The following TTC7B variants were observed in gnomAD, a reference collection of about 807,000 sequenced individuals.
TTC7B encodes the protein tetratricopeptide repeat protein 7B.
A neutral mutation model predicts 106.8 loss-of-function variants in TTC7B; 28 were observed. That is an observed-to-expected ratio of 0.26 (90% confidence interval 0.19 to 0.36). The LOEUF is 0.36. Ranked by LOEUF, TTC7B falls within the 10% of genes least tolerant of loss-of-function variation. The probability of loss-of-function intolerance (pLI) is 1.00; values close to 1 mark genes in which losing one functional copy is unlikely to be tolerated. For synonymous variants in TTC7B, 405 were observed against 430.6 expected, an observed-to-expected ratio of 0.94 and a Z score of 0.74; for missense variants, 862 against 1,076.4, an observed-to-expected ratio of 0.80 and a Z score of 2.79.
Position 90,687,257 on chromosome 14 carries a change from T to C in TTC7B, c.950+2283A>G, listed in dbSNP as rs943264356. ...GCTGATCACGTGTATCCATGTGAAC[T>C]GAAACTTGTGACTCAGTAGACAGTG... is the stretch of plus-strand genomic sequence containing the variant. On this transcript the variant is annotated intron_variant, in intron 7 of 19. Coordinates refer to ENST00000328459, the MANE Select transcript of TTC7B (RefSeq NM_001010854.2). Among the ~76,000 whole-genome samples, 5 of 152,248 alleles carry C rather than the reference T, an allele frequency of 3.3e-5. No individual in the cohort carries two copies. The East Asian group carries it at 9.6e-4, about 29-fold the overall frequency.
At position 90,571,464 on chromosome 14, in the gene TTC7B, C is replaced by T. The variant is rs764979594; in HGVS notation, c.2310+6642G>A. On this transcript the variant is annotated intron_variant, in intron 19 of 19. Transcript: ENST00000328459. ...AGGGTCCTCTCAACAAGCACATGGA[C>T]GCATTGGAAGGCTGGGCACTAAATA... Among the ~76,000 whole-genome samples the T allele has an allele frequency of 4.6e-5, 7 of 152,096 alleles. 1 individual carries two copies. The highest frequency in any genetic ancestry group is 1.9e-4 in the East Asian group (1 of 5,192).
intron 15 of TTC7B, among the ~76,000 whole-genome samples, chr14:90,628,164 G>C (rs1327002577): frequency 6.6e-6 from 1 of 152,248 alleles, no homozygotes; most frequent in Non-Finnish European, 1.5e-5. Context: ...CTCTGGAACA[G>C]GAAGTGTCAA....
intron 8 of TTC7B, among the ~76,000 whole-genome samples, chr14:90,679,202 A>G (rs1425866297): frequency 1.3e-5 from 2 of 152,204 alleles, no homozygotes; most frequent in African/African-American, 4.8e-5. Context: ...GCCCAATGAC[A>G]CCAAAGAGCC....
intron 2 of TTC7B, 80 bp downstream of exon 2, chr14:90,786,094 A>G: frequency 7.0e-7 from 1 of 1,437,022 alleles, no homozygotes; most frequent in Non-Finnish European, 9.2e-7. Flanking sequence ...TCCAAACGTC[A>G]CCCGGCTCAA....
rs1889409088 is a variant in TTC7B at position 90,535,931 on chromosome 14, C to CA, written c.*5436_*5437insT. The CA allele has an allele frequency of 6.6e-6, 1 of 152,424 alleles. No homozygotes were observed. The highest frequency in any genetic ancestry group is 2.1e-4 in the South Asian group (1 of 4,832). The allele number at this position is 152,424 out of a possible 1,614,324, so 9.4% of individuals were successfully genotyped here. On this transcript the variant is annotated 3_prime_UTR_variant, in exon 20 of 20. Coordinates refer to ENST00000328459, the MANE Select transcript of TTC7B (RefSeq NM_001010854.2). ...ACTTTAGAGTTTCTTCTGGTGAGGA[C>CA]GCCAATCCTACTGGGCCAGGGCCCC...
intron 15 of TTC7B, among the ~76,000 whole-genome samples, chr14:90,639,747 G>C (rs1164128529): frequency 1.3e-5 from 2 of 152,170 alleles, no homozygotes; most frequent in Non-Finnish European, 2.9e-5. Context: ...GTTCATAATA[G>C]CTAAAACCTG....
chr14:90,785,865 G>A (rs1249948470), intron 2 of TTC7B, among the ~76,000 whole-genome samples: 1 of 152,202 alleles, frequency 6.6e-6, no homozygotes, highest in Non-Finnish European at 1.5e-5. Context: ...TGCGTAACAT[G>A]TCAGGTTAAG....
intron 16 of TTC7B, among the ~76,000 whole-genome samples, chr14:90,612,347 C>G (rs1414263262): frequency 6.6e-6 from 1 of 152,200 alleles, no homozygotes; most frequent in South Asian, 2.1e-4. Context: ...TAGCATTTTT[C>G]ACATAAATAC....
In TTC7B at chr14:90,663,217, G is replaced by C. The variant is rs868136408; in HGVS notation, c.1153-4830C>G. Reference sequence around the variant, plus strand: ...GAAACTGAGATGCAGAGTTGTTAAGGGGGTACGCGGGCCTCAGAGTTGGTG... The same window carrying C: ...GAAACTGAGATGCAGAGTTGTTAAGCGGGTACGCGGGCCTCAGAGTTGGTG... On this transcript the variant is annotated intron_variant, in intron 9 of 19. Transcript: ENST00000328459. This position sits in a 1 kb window ranked among gnomAD's most constrained non-coding sequence, Gnocchi z 4.5. Among the ~76,000 whole-genome samples the C allele has an allele frequency of 6.6e-6, 1 of 152,174 alleles. No homozygotes were observed. Among genetic ancestry groups the C allele is most frequent in the Non-Finnish European group, 1.5e-5 (1 of 68,036 alleles).
At chr14:90,651,854 C>A (rs1266262000) in intron 13 of TTC7B, among the ~76,000 whole-genome samples, 1 of 152,176 alleles carries the variant, frequency 6.6e-6, no homozygotes, top group Non-Finnish European at 1.5e-5. Flanking sequence ...CATGATAAAT[C>A]AGTAGGCAGC....
At chr14:90,607,437 T>C (rs572983177) in intron 17 of TTC7B, among the ~76,000 whole-genome samples, 1 of 152,340 alleles carries the variant, frequency 6.6e-6, no homozygotes, top group Non-Finnish European at 1.5e-5. Context: ...GGCATGACGC[T>C]GATAAGCTGC....
Position 90,723,965 on chromosome 14 carries a change from G to T in TTC7B, c.698+6110C>A, listed in dbSNP as rs755836640. Among the ~76,000 whole-genome samples, 7 of 152,228 alleles carry T rather than the reference G, an allele frequency of 4.6e-5. No individual in the cohort carries two copies. In the South Asian group the frequency reaches 1.5e-3, roughly 32 times the overall value. On this transcript the variant is annotated intron_variant, in intron 5 of 19. Coordinates refer to ENST00000328459, the MANE Select transcript of TTC7B (RefSeq NM_001010854.2). Reference sequence around the variant, plus strand: ...AGGTCCCATGCTGAAAGCTTTATAGGAACATCCCCAGATGTCTACAGAAAC... The same window carrying T: ...AGGTCCCATGCTGAAAGCTTTATAGTAACATCCCCAGATGTCTACAGAAAC...
chr14:90,627,693 T>C (rs935509092), intron 15 of TTC7B, among the ~76,000 whole-genome samples: 6 of 152,232 alleles, frequency 3.9e-5, no homozygotes, highest in Non-Finnish European at 5.9e-5. Flanking sequence ...TCAGTTACAT[T>C]TTGCTTCTCA....
intron 1 of TTC7B, among the ~76,000 whole-genome samples, chr14:90,798,725 A>C (rs2030043409): frequency 6.6e-6 from 1 of 151,030 alleles, no homozygotes; most frequent in African/African-American, 2.4e-5. Context: ...AAAAAAAAAA[A>C]AAAAAAACAC....
At chr14:90,628,243 T>C (rs1316128748) in intron 15 of TTC7B, among the ~76,000 whole-genome samples, 2 of 152,266 alleles carry the variant, frequency 1.3e-5, no homozygotes, top group East Asian at 1.9e-4. Flanking sequence ...CAGACTACTC[T>C]GGCTCCTAAA....
At chr14:90,701,858 A>T (rs1888006519) in intron 5 of TTC7B, among the ~76,000 whole-genome samples, 2 of 151,380 alleles carry the variant, frequency 1.3e-5, no homozygotes, top group Admixed American at 6.6e-5. Flanking sequence ...CCTACTATGC[A>T]CTAAGAAGTG....
Position 90,690,937 on chromosome 14 carries a change from T to C in TTC7B, c.778-1225A>G, listed in dbSNP as rs17126957. Among the ~76,000 whole-genome samples, 669 of 152,296 alleles carry C rather than the reference T, an allele frequency of 4.4e-3. 7 individuals carry two copies. Among genetic ancestry groups the C allele is most frequent in the African/African-American group, 0.015 (633 of 41,566 alleles). On this transcript the variant is annotated intron_variant, in intron 6 of 19. Transcript: ENST00000328459. ...CTTGATTATTCCCAAGTAAGACCCA[T>C]TGGCATTAAATGTCTATAAAAATGT...
rs879124194 is a variant in TTC7B at position 90,766,500 on chromosome 14, AG to A, written c.445+14237del. 49 of 691,506 alleles carry A rather than the reference AG, an allele frequency of 7.1e-5. 2 individuals are homozygous for A. Among genetic ancestry groups the A allele is most frequent in the South Asian group, 7.0e-4 (44 of 62,726 alleles). 42.8% of individuals were successfully genotyped at this position (691,506 alleles called of 1,614,324 possible). A position where few individuals can be genotyped will look rare whatever the true frequency, so the allele number is the denominator to read the frequency against. ...AAGCCAATAAGAAATTCTGGACAGG[AG>A]GCCTACGTGCCACCTCTTGTACTGC... On this transcript the variant is annotated intron_variant, in intron 3 of 19. Coordinates refer to ENST00000328459, the MANE Select transcript of TTC7B (RefSeq NM_001010854.2).
At chr14:90,619,930 T>A (rs963747218) in intron 15 of TTC7B, among the ~76,000 whole-genome samples, 1 of 152,234 alleles carries the variant, frequency 6.6e-6, no homozygotes. Flanking sequence ...GAGAATTCCT[T>A]CACCCTGCAT....
Sources: gnomAD v4.1 joint callset for allele counts (sites outside exome capture counted in the v4.1 genomes callset) on GRCh38, gnomAD v4.1.1 for gene constraint, Gnocchi (gnomAD v3.1) non-coding constraint, MANE v1.5 for transcripts, NCBI Gene and HGNC (gene_info 2026-07-23, HGNC 2026-07-21) for gene names.